The following TOX variants were observed in gnomAD, a reference collection of about 807,000 sequenced individuals.
TOX encodes the protein thymocyte selection-associated high mobility group box protein TOX.
In TOX, 11 loss-of-function variants were observed where a neutral mutation model predicts 53.7. That is an observed-to-expected ratio of 0.20 (90% confidence interval 0.13 to 0.34). The LOEUF (loss-of-function observed/expected upper bound fraction) is 0.34, where lower values mean the gene tolerates loss of function less well. Among genes scored for constraint, TOX ranks in the 10% least tolerant of loss-of-function variants. TOX has a pLI of 1.00. For missense variants in TOX, 570 were observed against 664.6 expected, an observed-to-expected ratio of 0.86 and a Z score of 1.56; for synonymous variants, 225 against 245.3, an observed-to-expected ratio of 0.92 and a Z score of 0.77.
chr8:58,914,202 G>A (rs776529260), intron 3 of TOX, among the ~76,000 whole-genome samples: 10 of 152,168 alleles, frequency 6.6e-5, no homozygotes, highest in African/African-American at 1.2e-4. Context: ...GGTTGGTTTC[G>A]TCCTGCTGCT....
At chr8:59,062,157 G>T (rs187209688) in intron 1 of TOX, among the ~76,000 whole-genome samples, 1 of 152,164 alleles carries the variant, frequency 6.6e-6, no homozygotes, top group Non-Finnish European at 1.5e-5. Flanking sequence ...AGGTGGAAAG[G>T]TTGCGAAGCA....
chr8:59,001,447 AG>A (rs1363398976), intron 1 of TOX, among the ~76,000 whole-genome samples: 1 of 152,186 alleles, frequency 6.6e-6, no homozygotes, highest in Non-Finnish European at 1.5e-5. Context: ...TGATGGGAAA[AG>A]TGATTCTAGC....
At chr8:58,997,255 G>T (rs1210934216) in intron 1 of TOX, among the ~76,000 whole-genome samples, 2 of 151,728 alleles carry the variant, frequency 1.3e-5, no homozygotes, top group Non-Finnish European at 2.9e-5. Flanking sequence ...AACAGGTGGG[G>T]GCTTACTGTG....
At chr8:58,911,911 AG>A (rs1180824417) in intron 3 of TOX, among the ~76,000 whole-genome samples, 1 of 152,174 alleles carries the variant, frequency 6.6e-6, no homozygotes, top group Non-Finnish European at 1.5e-5. Context: ...CATGTTGGTC[AG>A]GCTGGTCTCG....
chr8:58,825,873 CAA>C (rs1019570996), intron 6 of TOX, among the ~76,000 whole-genome samples: 2 of 152,112 alleles, frequency 1.3e-5, no homozygotes, highest in Admixed American at 6.5e-5. Flanking sequence ...TGAGATAATA[CAA>C]AAAAGCTAGA....
intron 1 of TOX, among the ~76,000 whole-genome samples, chr8:59,107,326 C>T (rs748395373): frequency 1.3e-5 from 2 of 152,082 alleles, no homozygotes; most frequent in Non-Finnish European, 2.9e-5. Context: ...AACTTAGTTT[C>T]TGTTGAACAT....
chr8:59,109,239 G>A (rs1241000995), intron 1 of TOX, among the ~76,000 whole-genome samples: 1 of 152,070 alleles, frequency 6.6e-6, no homozygotes, highest in Non-Finnish European at 1.5e-5. Context: ...TTATAAAGGA[G>A]CTCACGGCTA....
At chr8:59,028,489 G>A (rs906434882) in intron 1 of TOX, among the ~76,000 whole-genome samples, 1 of 152,096 alleles carries the variant, frequency 6.6e-6, no homozygotes, top group South Asian at 2.1e-4. Context: ...CAAATGGAGA[G>A]TATTGGGAAG....
At chr8:59,044,259 C>T (rs1270558925) in intron 1 of TOX, among the ~76,000 whole-genome samples, 1 of 150,096 alleles carries the variant, frequency 6.7e-6, no homozygotes, top group Non-Finnish European at 1.5e-5. Flanking sequence ...TGGACGACAG[C>T]CACCAACACT....
chr8:59,117,873 C>G lies in TOX; in HGVS notation c.102+1013G>C, dbSNP rs920694812. 6.6e-6 allele frequency among the ~76,000 whole-genome samples: 1 copy of G among 152,256 alleles called. No individual in the cohort carries two copies. Among genetic ancestry groups the G allele is most frequent in the African/African-American group, 2.4e-5 (1 of 41,472 alleles). ...TTCATCCAACGGGACTGCTTAGACA[C>G]GTCCAACTAGCCCTAGGCGTGGGCA... On this transcript the variant is annotated intron_variant, in intron 1 of 8. Transcript: ENST00000361421. The surrounding 1 kb of genome is among the most constrained non-coding windows in gnomAD (Gnocchi z 4.6).
chr8:59,030,510 C>T (rs769034190), intron 1 of TOX, among the ~76,000 whole-genome samples: 10 of 152,130 alleles, frequency 6.6e-5, no homozygotes, highest in Non-Finnish European at 1.2e-4. Context: ...CATAAGCATA[C>T]GCGCTCGTTT....
chr8:59,118,482 G>C lies in TOX; in HGVS notation c.102+404C>G, dbSNP rs1453791455. On this transcript the variant is annotated intron_variant, in intron 1 of 8. Transcript: ENST00000361421. The surrounding 1 kb of genome is among the most constrained non-coding windows in gnomAD (Gnocchi z 4.1). ...GTGCCACGAGCCCCCACTGCCCGGG[G>C]AGGGAGGGAGAGAGAAGGGGGAACT... Among the ~76,000 whole-genome samples, 1 of 152,180 alleles carries C rather than the reference G, an allele frequency of 6.6e-6. No homozygotes were observed. The highest frequency in any genetic ancestry group is 1.9e-4 in the East Asian group (1 of 5,180).
intron 1 of TOX, among the ~76,000 whole-genome samples, chr8:59,025,863 G>C (rs1425185501): frequency 6.6e-6 from 1 of 152,176 alleles, no homozygotes; most frequent in Non-Finnish European, 1.5e-5. Flanking sequence ...ACTCATCAAG[G>C]ACCAGGACCT....
chr8:59,043,201 CTG>C (rs10660376), intron 1 of TOX, among the ~76,000 whole-genome samples: 27 of 147,986 alleles, frequency 1.8e-4, no homozygotes, highest in South Asian at 6.4e-4. Context: ...ACTTTCTTTT[CTG>C]TGTGTGTGTG....
At chr8:58,822,676 AATTAAGT>A (rs950469209) in intron 6 of TOX, among the ~76,000 whole-genome samples, 12 of 152,194 alleles carry the variant, frequency 7.9e-5, no homozygotes, top group African/African-American at 2.9e-4. Flanking sequence ...CTCCACCCTC[AATTAAGT>A]GAGGGCAGCT....
chr8:58,899,457 T>G (rs926199423), intron 3 of TOX, among the ~76,000 whole-genome samples: 12 of 152,208 alleles, frequency 7.9e-5, no homozygotes, highest in Non-Finnish European at 4.4e-5. Context: ...TCTCACACAG[T>G]TGTGATAGAG....
At chr8:58,914,902 G>T (rs970213733) in intron 3 of TOX, among the ~76,000 whole-genome samples, 6 of 152,066 alleles carry the variant, frequency 3.9e-5, no homozygotes, top group African/African-American at 1.2e-4. Flanking sequence ...AGCGCAAGGG[G>T]TCAGGGAGTT....
At chr8:58,983,557 A>G (rs780693160) in intron 1 of TOX, among the ~76,000 whole-genome samples, 7 of 152,268 alleles carry the variant, frequency 4.6e-5, no homozygotes, top group Non-Finnish European at 7.3e-5. Context: ...ATACACATCT[A>G]CGATGGTTGT....
intron 1 of TOX, among the ~76,000 whole-genome samples, chr8:58,989,072 T>TG (rs1813390448): frequency 6.6e-6 from 1 of 152,120 alleles, no homozygotes; most frequent in Non-Finnish European, 1.5e-5. Context: ...CCCAGCACTG[T>TG]GGGGGGCCGA....
Sources: allele counts gnomAD v4.1 joint callset (sites outside exome capture counted in the v4.1 genomes callset), GRCh38; gene constraint gnomAD v4.1.1; non-coding constraint Gnocchi (gnomAD v3.1); transcripts MANE v1.5; gene names NCBI Gene and HGNC (gene_info 2026-07-23, HGNC 2026-07-21).